Variants in UBTD1 observed in about 807,000 individuals in gnomAD.
UBTD1 encodes ubiquitin domain-containing protein 1.
In UBTD1, 19 loss-of-function variants were observed where a neutral mutation model predicts 21.7. The observed-to-expected ratio is 0.87, with a 90% CI of 0.61 to 1.28. The LOEUF (loss-of-function observed/expected upper bound fraction) is 1.28, where lower values mean the gene tolerates loss of function less well. Ranked by LOEUF, UBTD1 falls within the 50% of genes most tolerant of loss-of-function variation. The pLI is 0.00. For missense variants in UBTD1, 282 were observed against 315.1 expected, an observed-to-expected ratio of 0.89 and a Z score of 0.80; for synonymous variants, 116 against 135.1, an observed-to-expected ratio of 0.86 and a Z score of 0.98.
chr10:97,559,065 C>T (rs1340968319), intron 1 of UBTD1, among the ~76,000 whole-genome samples: 3 of 152,214 alleles, frequency 2.0e-5, no homozygotes, highest in Non-Finnish European at 4.4e-5. Flanking sequence ...CTTAAGCTTG[C>T]TGCATCCCTT....
At chr10:97,552,865 T>G (rs1433535081) in intron 1 of UBTD1, among the ~76,000 whole-genome samples, 4 of 152,246 alleles carry the variant, frequency 2.6e-5, no homozygotes, top group African/African-American at 9.6e-5. Flanking sequence ...TTATGTAGCC[T>G]TTCTCCTGGC....
intron 1 of UBTD1, among the ~76,000 whole-genome samples, chr10:97,528,643 C>T (rs1290015973): frequency 2.2e-5 from 2 of 90,574 alleles, no homozygotes; most frequent in African/African-American, 8.3e-5. Flanking sequence ...ACCTCCCTCC[C>T]GGACGGGGCG....
chr10:97,500,247 A>C (rs2040357760), intron 1 of UBTD1, among the ~76,000 whole-genome samples: 1 of 152,128 alleles, frequency 6.6e-6, no homozygotes, highest in Admixed American at 6.5e-5. Flanking sequence ...ATATCCCCTT[A>C]TGTAAGAGGA....
chr10:97,551,370 TA>T (rs140401859), intron 1 of UBTD1, among the ~76,000 whole-genome samples: 412 of 143,488 alleles, frequency 2.9e-3, no homozygotes, highest in Middle Eastern at 7.1e-3. Context: ...ACCTCTCTAT[TA>T]AAAAAAAAAA....
chr10:97,521,393 T>G (rs1031684395), intron 1 of UBTD1, among the ~76,000 whole-genome samples: 1 of 152,052 alleles, frequency 6.6e-6, no homozygotes, highest in African/African-American at 2.4e-5. Context: ...CTGAGGGAGA[T>G]CTCCTTTCCC....
At chr10:97,503,298 G>T (rs2040385535) in intron 1 of UBTD1, among the ~76,000 whole-genome samples, 1 of 152,228 alleles carries the variant, frequency 6.6e-6, no homozygotes. Context: ...GGTGGTTCTT[G>T]TATGCTTCGG....
chr10:97,540,760 A>T (rs748555448), intron 1 of UBTD1, among the ~76,000 whole-genome samples: 1 of 152,228 alleles, frequency 6.6e-6, no homozygotes. Context: ...GGAGCTGGGT[A>T]TCTAGACGTC....
Position 97,567,936 on chromosome 10 carries a change from A to T in UBTD1, c.93A>T (p.Lys31Asn). The T allele has an allele frequency of 6.2e-7, 1 of 1,614,180 alleles. No homozygotes were observed. Among genetic ancestry groups the T allele is most frequent in the South Asian group, 1.1e-5 (1 of 91,084 alleles). The stretch of plus-strand genomic sequence containing the variant: ...CAGGACGCAATGAGCCCCTGAAGAA[A>T]GAGCGGCTTAAGTGGAAGAGCGACT... The part of the protein sequence containing the change: ...KRAGRNEPLK[K>N]ERLKWKSDYP... The change falls in exon 2 of 3, where the codon AAA (lysine) becomes AAT (asparagine). Residue 31 changes from lysine to asparagine, a missense_variant. By Grantham distance (94) the Lys-to-Asn change is moderately conservative. Transcript: ENST00000370664.
intron 1 of UBTD1, among the ~76,000 whole-genome samples, chr10:97,503,959 C>T (rs990609982): frequency 1.3e-5 from 2 of 152,074 alleles, no homozygotes; most frequent in East Asian, 1.9e-4. Context: ...CCTAGTTTAA[C>T]GTGTCCAAAA....
chr10:97,509,708 T>TCTGTTGCTCA (rs2040414420), intron 1 of UBTD1, among the ~76,000 whole-genome samples: 1 of 152,140 alleles, frequency 6.6e-6, no homozygotes, highest in African/African-American at 2.4e-5. Flanking sequence ...TGGAGTGCAA[T>TCTGTTGCTCA]GGCATGATCT....
At chr10:97,505,591 A>T (rs1011427142) in intron 1 of UBTD1, among the ~76,000 whole-genome samples, 4 of 152,248 alleles carry the variant, frequency 2.6e-5, no homozygotes, top group African/African-American at 9.6e-5. Flanking sequence ...CTCAGATATG[A>T]GGTCCCAACA....
chr10:97,570,506 C>T lies in UBTD1; in HGVS notation c.667C>T (p.Pro223Ser). The stretch of plus-strand genomic sequence containing the variant: ...CATCCAGGTCATCATCAACCAGCCC[C>T]CACCACCCCAGGACTGATGGGCCCA... ...FVIQVIINQP[P>S]PPQD Residue 223 changes from proline (P) to serine (S), a missense_variant, in exon 3 of 3, where the codon CCA (proline) becomes TCA (serine). Pro to Ser is a moderately conservative substitution (Grantham distance 74). Transcript: ENST00000370664. The surrounding 1 kb of genome is among the most constrained non-coding windows in gnomAD (Gnocchi z 6.6). 1 of 1,607,950 alleles carries T rather than the reference C, an allele frequency of 6.2e-7. No homozygotes were observed. Among genetic ancestry groups the T allele is most frequent in the Non-Finnish European group, 8.5e-7 (1 of 1,176,300 alleles).
At chr10:97,509,101 C>T (rs1293636983) in intron 1 of UBTD1, among the ~76,000 whole-genome samples, 2 of 152,206 alleles carry the variant, frequency 1.3e-5, no homozygotes, top group Non-Finnish European at 2.9e-5. Context: ...TCTTTCTTCT[C>T]TCAGCATTTT....
chr10:97,535,924 A>C (rs1048710557), intron 1 of UBTD1, among the ~76,000 whole-genome samples: 3 of 150,926 alleles, frequency 2.0e-5, no homozygotes, highest in African/African-American at 7.3e-5. Context: ...TCTCAAAAAA[A>C]TAAAATAAAA....
intron 1 of UBTD1, among the ~76,000 whole-genome samples, chr10:97,527,717 A>G (rs1038524909): frequency 2.6e-5 from 4 of 152,066 alleles, no homozygotes; most frequent in African/African-American, 9.7e-5. Context: ...CCCTTAATCC[A>G]TTTAACCCTG....
At chr10:97,527,171 C>CAA (rs34756643) in intron 1 of UBTD1, among the ~76,000 whole-genome samples, 8,696 of 59,810 alleles carry the variant, frequency 0.15, 297 homozygotes, top group East Asian at 0.19. Context: ...CTCTTGTCTC[C>CAA]AAAAAAAAAA....
chr10:97,557,155 A>G (rs1318052730), intron 1 of UBTD1, among the ~76,000 whole-genome samples: 1 of 152,212 alleles, frequency 6.6e-6, no homozygotes, highest in Non-Finnish European at 1.5e-5. Context: ...GGTGACTTGT[A>G]GAGACTGGGC....
intron 1 of UBTD1, among the ~76,000 whole-genome samples, chr10:97,563,799 TG>T (rs1289260276): frequency 2.6e-5 from 4 of 151,704 alleles, no homozygotes; most frequent in Non-Finnish European, 4.4e-5. Flanking sequence ...TCCGAGTGGG[TG>T]GGGGGTGACT....
intron 1 of UBTD1, among the ~76,000 whole-genome samples, chr10:97,506,394 G>A (rs1457398446): frequency 1.3e-5 from 2 of 152,172 alleles, no homozygotes; most frequent in Non-Finnish European, 2.9e-5. Flanking sequence ...GGCTTTGGGG[G>A]TTCATGTTTC....
Sources: allele counts gnomAD v4.1 joint callset (sites outside exome capture counted in the v4.1 genomes callset), GRCh38; gene constraint gnomAD v4.1.1; non-coding constraint Gnocchi (gnomAD v3.1); transcripts MANE v1.5; gene names NCBI Gene and HGNC (gene_info 2026-07-23, HGNC 2026-07-21).